The following ODF2L variants were observed in gnomAD, a reference collection of about 807,000 sequenced individuals.
ODF2L encodes protein BCAP.
Under a neutral mutation model 86.3 loss-of-function variants are expected in ODF2L, and 76 were observed. The ratio of observed to expected loss-of-function variants is 0.88; its 90% CI spans 0.73 to 1.07. The LOEUF (loss-of-function observed/expected upper bound fraction) is 1.07. Ranked by LOEUF, ODF2L falls within the 50% of genes least tolerant of loss-of-function variation. The probability of loss-of-function intolerance (pLI) is 0.00; values close to 1 mark genes in which losing one functional copy is unlikely to be tolerated. For missense variants in ODF2L, 748 were observed against 717.4 expected (o/e 1.04, Z -0.49); for synonymous variants, 241 against 231.3 (o/e 1.04, Z -0.38).
intron 12 of ODF2L, among the ~76,000 whole-genome samples, chr1:86,359,194 A>C (rs190988752): frequency 2.2e-4 from 33 of 152,080 alleles, no homozygotes; most frequent in Non-Finnish European, 2.1e-4. Context: ...TCTCTGGTCC[A>C]AACTAGCTTC....
At position 86,357,740 on chromosome 1, in the gene ODF2L, G is replaced by T. The variant is rs1437612465; in HGVS notation, c.1359+1047C>A. Reference sequence around the variant, plus strand: ...ACTTAAAACAGTGAAGTAAGAAAAAGAAAAATTTCATTAAAAAAATAGTTG... The same window carrying T: ...ACTTAAAACAGTGAAGTAAGAAAAATAAAAATTTCATTAAAAAAATAGTTG... On this transcript the variant is annotated intron_variant, in intron 13 of 17. Coordinates refer to ENST00000317336, the Ensembl canonical transcript of ODF2L. 5 of 978,760 alleles carry T rather than the reference G, an allele frequency of 5.1e-6. No individual in the cohort carries two copies. In the African/African-American group the frequency reaches 8.8e-5, roughly 17 times the overall value. 60.6% of individuals were successfully genotyped at this position (978,760 alleles called of 1,614,324 possible).
At chr1:86,376,804 C>G (rs1426800902) in intron 7 of ODF2L, among the ~76,000 whole-genome samples, 1 of 152,152 alleles carries the variant, frequency 6.6e-6, no homozygotes, top group African/African-American at 2.4e-5. Flanking sequence ...CACCTCCCAC[C>G]AGGTCTCTCC....
chr1:86,382,331 A>T (rs374514655), exon 7 of ODF2L: 133 of 1,611,546 alleles, frequency 8.3e-5, no homozygotes, highest in Non-Finnish European at 1.1e-4. Context: ...ACTGATTGGG[A>T]AAAACGGTTT....
At chr1:86,395,040 T>C (rs1661628136) in intron 1 of ODF2L, among the ~76,000 whole-genome samples, 1 of 152,098 alleles carries the variant, frequency 6.6e-6, no homozygotes. Flanking sequence ...AGACGGGGTT[T>C]CACCGTGTTG....
At chr1:86,360,597 GAAT>G in intron 11 of ODF2L, 61 bp from the exon 11 acceptor site, 1 of 687,472 alleles carries the variant, frequency 1.5e-6, no homozygotes, top group Non-Finnish European at 2.5e-6. Context: ...CAGTGCTACA[GAAT>G]TATTATAAAA....
At position 86,370,265 on chromosome 1, in the gene ODF2L, TTATCATTTAGTTAATTCTAAA is replaced by T. The variant is rs552271947; in HGVS notation, c.1056+732_1056+752del. ...CATCTTAATACATAGAATAAATGTA[TTATCATTTAGTTAATTCTAAA>T]TATCATTTAGTTAATTCTAAATAGA... is the stretch of plus-strand genomic sequence containing the variant. On this transcript the variant is annotated intron_variant, in intron 10 of 17. Coordinates refer to ENST00000317336, the Ensembl canonical transcript of ODF2L. 4.2e-3 allele frequency among the ~76,000 whole-genome samples: 632 copies of T among 152,206 alleles called. 2 individuals carry two copies. Among genetic ancestry groups the T allele is most frequent in the African/African-American group, 0.014 (585 of 41,536 alleles).
chr1:86,388,367 T>C (rs545115060), intron 1 of ODF2L, among the ~76,000 whole-genome samples: 1 of 152,094 alleles, frequency 6.6e-6, no homozygotes, highest in Non-Finnish European at 1.5e-5. Context: ...GCAATAGCTA[T>C]CCCCATACAG....
downstream of ODF2L, chr1:86,348,557 A>G (rs1199774900): frequency 2.9e-6 from 1 of 348,486 alleles, no homozygotes; most frequent in African/African-American, 2.1e-5. Context: ...TCCAGCAAAC[A>G]GGAATAGTAA....
At chr1:86,390,352 G>A (rs191935988) in intron 1 of ODF2L, among the ~76,000 whole-genome samples, 13 of 152,144 alleles carry the variant, frequency 8.5e-5, no homozygotes, top group South Asian at 6.2e-4. Flanking sequence ...CCCAGGAGGC[G>A]GAGGTTGCAG....
At chr1:86,355,129 C>T in intron 14 of ODF2L, 1 of 538,152 alleles carries the variant, frequency 1.9e-6, no homozygotes, top group Non-Finnish European at 3.3e-6. Flanking sequence ...TGAACAACAC[C>T]TTATTGAAGA....
intron 11 of ODF2L, among the ~76,000 whole-genome samples, chr1:86,361,925 C>G (rs184999954): frequency 3.5e-4 from 54 of 152,144 alleles, no homozygotes; most frequent in Non-Finnish European, 7.1e-4. Context: ...GAGGGGCAGA[C>G]AGACAAAAAA....
intron 1 of ODF2L, among the ~76,000 whole-genome samples, chr1:86,390,279 G>T (rs953065445): frequency 6.6e-6 from 1 of 152,048 alleles, no homozygotes; most frequent in African/African-American, 2.4e-5. Flanking sequence ...AAATTAGCTG[G>T]GCATCGTGGC....
chr1:86,361,822 C>A (rs1659055185), intron 11 of ODF2L, among the ~76,000 whole-genome samples: 1 of 152,114 alleles, frequency 6.6e-6, no homozygotes, highest in Non-Finnish European at 1.5e-5. Context: ...CCAATATGTT[C>A]ACTAGTTACT....
At chr1:86,348,873 T>C, downstream of ODF2L, 2 of 1,549,506 alleles carry the variant, frequency 1.3e-6, no homozygotes, top group Non-Finnish European at 8.6e-7. Flanking sequence ...CCTGATGTTG[T>C]GCTTTCTAAA....
chr1:86,360,519 C>A (rs926588033), exon 12 of ODF2L: 1 of 1,582,848 alleles, frequency 6.3e-7, no homozygotes, highest in South Asian at 1.1e-5. Flanking sequence ...CTTCATCCTT[C>A]AAAGCAGCAA....
At chr1:86,377,866 C>T (rs1420541852) in intron 7 of ODF2L, among the ~76,000 whole-genome samples, 1 of 152,196 alleles carries the variant, frequency 6.6e-6, no homozygotes, top group African/African-American at 2.4e-5. Flanking sequence ...TCTGACATAC[C>T]CCAGAAACAT....
chr1:86,355,635 T>G (rs1290581894), intron 14 of ODF2L, among the ~76,000 whole-genome samples: 1 of 152,174 alleles, frequency 6.6e-6, no homozygotes, highest in African/African-American at 2.4e-5. Flanking sequence ...AATCAAGTAT[T>G]AAGCCTAGTA....
At chr1:86,377,229 C>T (rs1660237938) in intron 7 of ODF2L, among the ~76,000 whole-genome samples, 1 of 152,222 alleles carries the variant, frequency 6.6e-6, no homozygotes, top group African/African-American at 2.4e-5. Context: ...TCCCTTGACT[C>T]CATGTTTCAC....
At chr1:86,386,213 T>A (rs1213492310) in intron 2 of ODF2L, 1 of 152,188 alleles carries the variant, frequency 6.6e-6, no homozygotes, top group Non-Finnish European at 1.5e-5. Context: ...ACAAGTGTAT[T>A]CCCCACTCTA....
Sources: gnomAD v4.1 joint callset for allele counts (sites outside exome capture counted in the v4.1 genomes callset) on GRCh38, gnomAD v4.1.1 for gene constraint, MANE v1.5 for transcripts, NCBI Gene and HGNC (gene_info 2026-07-23, HGNC 2026-07-21) for gene names.